NOMO2: variants seen among roughly 807,000 people sequenced by gnomAD.
The protein encoded by NOMO2 is BOS complex subunit NOMO2.
A neutral mutation model predicts 67.1 loss-of-function variants in NOMO2; 14 were observed. The observed-to-expected ratio is 0.21, with a 90% confidence interval of 0.14 to 0.33. The LOEUF (loss-of-function observed/expected upper bound fraction) is 0.33, where lower values mean the gene tolerates loss of function less well. Ranked by LOEUF, NOMO2 falls within the 10% of genes least tolerant of loss-of-function variation. The probability of loss-of-function intolerance (pLI) is 1.00; values close to 1 mark genes in which losing one functional copy is unlikely to be tolerated. For synonymous variants in NOMO2, 80 were observed against 305.9 expected (o/e 0.26, Z 7.71); for missense variants, 178 against 761.0 (o/e 0.23, Z 9.01).
chr16:18,560,203 A>G (rs534894602), intron 1 of NOMO2, among the ~76,000 whole-genome samples: 1 of 152,106 alleles, frequency 6.6e-6, no homozygotes, highest in South Asian at 2.1e-4. Context: ...GATGGCCAGT[A>G]TGAAATGTCT....
At chr16:18,553,321 A>G (rs1901832618) in intron 3 of NOMO2, among the ~76,000 whole-genome samples, 1 of 151,472 alleles carries the variant, frequency 6.6e-6, no homozygotes, top group Non-Finnish European at 1.5e-5. Context: ...AAATAATTTT[A>G]TATTTATGCA....
chr16:18,558,158 G>A (rs546889756), intron 1 of NOMO2, among the ~76,000 whole-genome samples: 5 of 143,048 alleles, frequency 3.5e-5, no homozygotes, highest in African/African-American at 1.3e-4. Context: ...TGGGCACGGT[G>A]GCTCATGCCA....
intron 11 of NOMO2, among the ~76,000 whole-genome samples, chr16:18,535,338 G>C (rs1234374905): frequency 6.6e-6 from 1 of 152,024 alleles, no homozygotes; most frequent in East Asian, 1.9e-4. Flanking sequence ...AAAAGGAAAA[G>C]AAATAGTAAG....
chr16:18,554,064 C>T (rs1443547311), intron 3 of NOMO2, among the ~76,000 whole-genome samples: 1 of 151,648 alleles, frequency 6.6e-6, no homozygotes, highest in Non-Finnish European at 1.5e-5. Flanking sequence ...TACATCAAAA[C>T]AGACCCTCTC....
At chr16:18,559,104 G>A in intron 1 of NOMO2, among the ~76,000 whole-genome samples, 1 of 151,794 alleles carries the variant, frequency 6.6e-6, no homozygotes, top group Admixed American at 6.6e-5. Flanking sequence ...CAGAGGCTTT[G>A]GTGAGCTATG....
chr16:18,557,192 G>A (rs1450894266), intron 2 of NOMO2, among the ~76,000 whole-genome samples: 1 of 151,970 alleles, frequency 6.6e-6, no homozygotes, highest in Non-Finnish European at 1.5e-5. Flanking sequence ...CACTACAGAG[G>A]GAGGTAAAAT....
At chr16:18,547,811 G>GA (rs528400699) in intron 5 of NOMO2, among the ~76,000 whole-genome samples, 1 of 151,258 alleles carries the variant, frequency 6.6e-6, no homozygotes, top group African/African-American at 2.4e-5. Flanking sequence ...TTGAATCCCA[G>GA]AAAAAAGGCT....
chr16:18,557,804 G>C lies in NOMO2; in HGVS notation c.166-13C>G, dbSNP rs756284120. On this transcript the variant is annotated splice_polypyrimidine_tract_variant and intron_variant, in intron 1 of 30. Coordinates refer to ENST00000622306, the MANE Select transcript of NOMO2 (RefSeq NM_173614.4). ...TGTACAGCTTTATCTGGAAAGGAAG[G>C]AAGGAAAACAGAAATCATAACATTG... 1 of 1,583,574 alleles carries C rather than the reference G, an allele frequency of 6.3e-7. No individual in the cohort carries two copies. The highest frequency in any genetic ancestry group is 1.4e-5 in the African/African-American group (1 of 73,964).
At chr16:18,554,401 A>G (rs1901858325) in intron 3 of NOMO2, among the ~76,000 whole-genome samples, 1 of 151,926 alleles carries the variant, frequency 6.6e-6, no homozygotes, top group Admixed American at 6.6e-5. Context: ...CTGGATTTTT[A>G]TGACAAATCT....
chr16:18,559,888 G>A (rs1596864835), intron 1 of NOMO2, among the ~76,000 whole-genome samples: 1 of 151,624 alleles, frequency 6.6e-6, no homozygotes, highest in East Asian at 2.0e-4. Context: ...TAACAGTAAG[G>A]TCCCTGTTAG....
intron 9 of NOMO2, among the ~76,000 whole-genome samples, chr16:18,540,323 T>C (rs1219028818): frequency 6.6e-6 from 1 of 151,412 alleles, no homozygotes; most frequent in African/African-American, 2.4e-5. Context: ...AATTCACATA[T>C]GTACTCAACA....
intron 16 of NOMO2, among the ~76,000 whole-genome samples, chr16:18,525,837 A>T (rs568441984): frequency 2.0e-5 from 3 of 151,618 alleles, no homozygotes; most frequent in African/African-American, 7.3e-5. Context: ...TCCTTTAAAC[A>T]TAAGTTTTCT....
rs550921473 is a variant in NOMO2 at position 18,545,221 on chromosome 16, G to A, written c.583-1452C>T. Among the ~76,000 whole-genome samples, 8 of 147,248 alleles carry A rather than the reference G, an allele frequency of 5.4e-5. No individual in the cohort carries two copies. In the South Asian group the frequency reaches 1.3e-3, roughly 24 times the overall value. ...AGCGATTCTCCTGCCTCAGCCTCCC[G>A]AGTAGCTGGGATTACAGGTGTATGC... On this transcript the variant is annotated intron_variant, in intron 6 of 30. Transcript: ENST00000622306.
chr16:18,553,828 T>C (rs1047377579), intron 3 of NOMO2, among the ~76,000 whole-genome samples: 3 of 137,812 alleles, frequency 2.2e-5, no homozygotes, highest in African/African-American at 7.9e-5. Context: ...CCCCTGACTA[T>C]AAACTGATAA....
intron 2 of NOMO2, among the ~76,000 whole-genome samples, chr16:18,555,367 A>G (rs1033447435): frequency 1.4e-5 from 2 of 147,488 alleles, no homozygotes; most frequent in African/African-American, 5.0e-5. Flanking sequence ...CCATCTGTAC[A>G]AAAAATGTTC....
intron 15 of NOMO2, among the ~76,000 whole-genome samples, chr16:18,528,571 C>T (rs1901203944): frequency 6.6e-6 from 1 of 151,874 alleles, no homozygotes; most frequent in South Asian, 2.1e-4. Flanking sequence ...CTCCTGAAAC[C>T]CATTTCACAC....
chr16:18,555,743 G>A (rs1901890105), intron 2 of NOMO2, among the ~76,000 whole-genome samples: 1 of 93,596 alleles, frequency 1.1e-5, no homozygotes, highest in Non-Finnish European at 2.2e-5. Context: ...CAAGTAGCTG[G>A]GACTACAGGC....
chr16:18,554,529 C>T (rs1429285704), intron 3 of NOMO2, among the ~76,000 whole-genome samples: 1 of 151,086 alleles, frequency 6.6e-6, no homozygotes, highest in South Asian at 2.1e-4. Context: ...TACTGTTCCA[C>T]GGCCACGTAA....
intron 4 of NOMO2, among the ~76,000 whole-genome samples, chr16:18,550,429 G>A (rs1305305477): frequency 2.4e-4 from 36 of 150,622 alleles, no homozygotes; most frequent in Middle Eastern, 3.2e-3. Context: ...GCAAACCATC[G>A]ATAAAGAAAA....
Sources: gnomAD v4.1 joint callset for allele counts (sites outside exome capture counted in the v4.1 genomes callset) on GRCh38, gnomAD v4.1.1 for gene constraint, MANE v1.5 for transcripts, NCBI Gene and HGNC (gene_info 2026-07-23, HGNC 2026-07-21) for gene names.